DLG2: variants seen among roughly 807,000 people sequenced by gnomAD.
DLG2 encodes the protein discs large MAGUK scaffold protein 2.
DLG2 carries 45 observed loss-of-function variants against 132.5 expected under a neutral mutation model. That is an observed-to-expected ratio of 0.34 (90% CI 0.27 to 0.44). DLG2 has a LOEUF of 0.44. Among genes scored for constraint, DLG2 ranks in the 20% least tolerant of loss-of-function variants. The probability of loss-of-function intolerance (pLI) is 1.00; values close to 1 mark genes in which losing one functional copy is unlikely to be tolerated. For missense variants in DLG2, 1,045 were observed against 1,196.9 expected (o/e 0.87, Z 1.87); for synonymous variants, 424 against 419.6 (o/e 1.01, Z -0.13).
intron 7 of DLG2, among the ~76,000 whole-genome samples, chr11:84,521,320 G>T (rs1591469746): frequency 6.6e-6 from 1 of 152,176 alleles, no homozygotes; most frequent in South Asian, 2.1e-4. Flanking sequence ...CTGCTGAGTT[G>T]AGAACACCTG....
intron 19 of DLG2, among the ~76,000 whole-genome samples, chr11:83,562,408 T>TG (rs2096627366): frequency 6.6e-6 from 1 of 152,108 alleles, no homozygotes; most frequent in African/African-American, 2.4e-5. Flanking sequence ...TGTGATGCCC[T>TG]GGGTGGGGGG....
intron 16 of DLG2, among the ~76,000 whole-genome samples, chr11:83,840,361 G>C (rs548309257): frequency 6.6e-6 from 1 of 152,164 alleles, no homozygotes; most frequent in African/African-American, 2.4e-5. Flanking sequence ...TAAATGAATG[G>C]ATAAACTCCC....
chr11:83,921,420 A>G (rs2077875136), intron 15 of DLG2, among the ~76,000 whole-genome samples: 2 of 152,312 alleles, frequency 1.3e-5, no homozygotes, highest in Non-Finnish European at 1.5e-5. Flanking sequence ...TTTGTTTCTC[A>G]AACCATGTAC....
intron 9 of DLG2, among the ~76,000 whole-genome samples, chr11:84,116,769 A>G (rs1250104659): frequency 6.6e-6 from 1 of 152,230 alleles, no homozygotes; most frequent in Non-Finnish European, 1.5e-5. Context: ...GAAGCAGGAT[A>G]TATAAACATA....
rs537962109 is a variant in DLG2 at position 85,134,016 on chromosome 11, A to AAGGGAGAATG, written c.282+20530_282+20539dup. Reference sequence around the variant, plus strand: ...GCTCAGAAAGGAGAGAGGGGGTGGGAAGGGAGAATGAGGGAGAGTGAGGGA... The same window carrying AAGGGAGAATG: ...GCTCAGAAAGGAGAGAGGGGGTGGGAAGGGAGAATGAGGGAGAATGAGGGAGAGTGAGGGA... On this transcript the variant is annotated intron_variant, in intron 5 of 27. Transcript: ENST00000376104. Among the ~76,000 whole-genome samples, 1,324 of 151,734 alleles carry AAGGGAGAATG rather than the reference A, an allele frequency of 8.7e-3. 5 individuals are homozygous for AAGGGAGAATG. The highest frequency in any genetic ancestry group is 0.012 in the Non-Finnish European group (825 of 67,874).
chr11:84,024,927 T>C (rs2095499081), intron 11 of DLG2, among the ~76,000 whole-genome samples: 1 of 152,034 alleles, frequency 6.6e-6, no homozygotes, highest in African/African-American at 2.4e-5. Context: ...ATGTTAAGTA[T>C]TTGAGGTGAC....
chr11:84,977,960 C>A, intron 6 of DLG2, among the ~76,000 whole-genome samples: 1 of 152,142 alleles, frequency 6.6e-6, no homozygotes, highest in African/African-American at 2.4e-5. Flanking sequence ...AACTGTTCAT[C>A]CAAACCTTGA....
At chr11:84,778,914 T>TG (rs1182509137) in intron 6 of DLG2, among the ~76,000 whole-genome samples, 2 of 152,220 alleles carry the variant, frequency 1.3e-5, no homozygotes, top group African/African-American at 4.8e-5. Context: ...CTATTTCTCC[T>TG]GTGAGGGATG....
intron 4 of DLG2, among the ~76,000 whole-genome samples, chr11:85,225,774 T>C (rs1410908315): frequency 6.6e-6 from 1 of 152,120 alleles, no homozygotes; most frequent in Non-Finnish European, 1.5e-5. Flanking sequence ...CCCTATAGCT[T>C]CTTCAGCATC....
At chr11:84,435,163 T>C (rs1425919380) in intron 7 of DLG2, among the ~76,000 whole-genome samples, 1 of 152,190 alleles carries the variant, frequency 6.6e-6, no homozygotes, top group Non-Finnish European at 1.5e-5. Flanking sequence ...TTTGCAACTA[T>C]ATGATCTTTG....
At chr11:84,565,959 A>ATT (rs1275364048) in intron 6 of DLG2, among the ~76,000 whole-genome samples, 1 of 126,848 alleles carries the variant, frequency 7.9e-6, no homozygotes, top group Non-Finnish European at 1.7e-5. Context: ...CATATGATGA[A>ATT]GTTTTTTTTT....
At chr11:85,220,964 G>A (rs1016921160) in intron 4 of DLG2, among the ~76,000 whole-genome samples, 1 of 151,884 alleles carries the variant, frequency 6.6e-6, no homozygotes, top group African/African-American at 2.4e-5. Flanking sequence ...TAGATTTTCA[G>A]GATACAGTTA....
chr11:83,508,734 A>G (rs1443877278), intron 21 of DLG2, among the ~76,000 whole-genome samples: 3 of 152,160 alleles, frequency 2.0e-5, no homozygotes, highest in African/African-American at 4.8e-5. Flanking sequence ...ATATAAATCT[A>G]CAATACAAAT....
At chr11:85,057,694 G>C (rs533006184) in intron 6 of DLG2, among the ~76,000 whole-genome samples, 2 of 151,488 alleles carry the variant, frequency 1.3e-5, no homozygotes, top group East Asian at 3.9e-4. Flanking sequence ...CACAAAAACA[G>C]TATAGGAAAG....
At chr11:84,581,042 CTT>C (rs1244390547) in intron 6 of DLG2, among the ~76,000 whole-genome samples, 1 of 152,206 alleles carries the variant, frequency 6.6e-6, no homozygotes, top group Non-Finnish European at 1.5e-5. Context: ...GCCATTCTGT[CTT>C]TACACAAAAT....
At chr11:84,925,391 C>T (rs557795400) in intron 6 of DLG2, among the ~76,000 whole-genome samples, 1 of 152,048 alleles carries the variant, frequency 6.6e-6, no homozygotes, top group Non-Finnish European at 1.5e-5. Flanking sequence ...TTTAAAAAGG[C>T]CCTTAGCCTT....
In DLG2 at chr11:84,454,774, G is replaced by A. The variant is rs542948134; in HGVS notation, c.519+79796C>T. ...CATGATTCCATTTATATAAAGTACT[G>A]GAAGATGCAAACAAATTTATAGTGA... is the stretch of plus-strand genomic sequence containing the variant. On this transcript the variant is annotated intron_variant, in intron 7 of 27. Transcript: ENST00000376104. Among the ~76,000 whole-genome samples the A allele has an allele frequency of 3.3e-5, 5 of 151,494 alleles. No individual in the cohort carries two copies. In the South Asian group the frequency reaches 1.0e-3, roughly 31 times the overall value.
chr11:84,488,508 G>T (rs1401141567), intron 7 of DLG2, among the ~76,000 whole-genome samples: 1 of 152,100 alleles, frequency 6.6e-6, no homozygotes, highest in Non-Finnish European at 1.5e-5. Flanking sequence ...CCAACAGAAG[G>T]ATCCCCTTCC....
intron 6 of DLG2, among the ~76,000 whole-genome samples, chr11:85,026,551 C>T (rs1194947652): frequency 6.6e-6 from 1 of 152,048 alleles, no homozygotes; most frequent in Non-Finnish European, 1.5e-5. Flanking sequence ...TAAGCATATT[C>T]TTTCGGCCGG....
Sources: allele counts gnomAD v4.1 joint callset (sites outside exome capture counted in the v4.1 genomes callset), GRCh38; gene constraint gnomAD v4.1.1; transcripts MANE v1.5; gene names NCBI Gene and HGNC (gene_info 2026-07-23, HGNC 2026-07-21).